CNBD1: variants seen among roughly 807,000 people sequenced by gnomAD.
The protein encoded by CNBD1 is cyclic nucleotide binding domain containing 1.
Under a neutral mutation model 54.4 loss-of-function variants are expected in CNBD1, and 71 were observed. The observed-to-expected ratio is 1.30, with a 90% CI of 1.08 to 1.59. The LOEUF is 1.59. CNBD1 is among the 40% of genes most tolerant of loss of function. The pLI is 0.00. For synonymous variants in CNBD1, 182 were observed against 170.7 expected, an observed-to-expected ratio of 1.07 and a Z score of -0.51; for missense variants, 659 against 518.0, an observed-to-expected ratio of 1.27 and a Z score of -2.64.
chr8:87,229,473 A>G (rs1057345710), intron 5 of CNBD1, among the ~76,000 whole-genome samples: 6 of 152,204 alleles, frequency 3.9e-5, no homozygotes, highest in Non-Finnish European at 1.5e-5. Context: ...GTGCTCTGTT[A>G]GTAATATTTT....
intron 4 of CNBD1, among the ~76,000 whole-genome samples, chr8:86,967,618 T>C (rs1158415131): frequency 1.3e-5 from 2 of 152,250 alleles, no homozygotes; most frequent in Non-Finnish European, 2.9e-5. Context: ...ACAGTGTTTA[T>C]TTCTAACATT....
chr8:87,303,779 C>A (rs1324111002), intron 8 of CNBD1, among the ~76,000 whole-genome samples: 4 of 125,804 alleles, frequency 3.2e-5, no homozygotes, highest in African/African-American at 1.2e-4. Flanking sequence ...TGAACTCAAA[C>A]AAATTTACAA....
intron 4 of CNBD1, among the ~76,000 whole-genome samples, chr8:86,958,035 T>C (rs1807825429): frequency 6.6e-6 from 1 of 152,234 alleles, no homozygotes; most frequent in Non-Finnish European, 1.5e-5. Flanking sequence ...TGTGTCTTTG[T>C]TCACATTAGT....
intron 4 of CNBD1, among the ~76,000 whole-genome samples, chr8:87,019,177 T>A (rs1309357694): frequency 1.3e-5 from 2 of 152,200 alleles, no homozygotes; most frequent in Non-Finnish European, 2.9e-5. Flanking sequence ...GCTCAACACA[T>A]AAAAGTTAAA....
At chr8:87,111,992 C>A (rs562241946) in intron 4 of CNBD1, among the ~76,000 whole-genome samples, 1 of 152,262 alleles carries the variant, frequency 6.6e-6, no homozygotes, top group South Asian at 2.1e-4. Flanking sequence ...AATGTTGGTA[C>A]CTCCGTCACC....
intron 4 of CNBD1, among the ~76,000 whole-genome samples, chr8:87,168,937 T>C (rs1266454621): frequency 6.6e-6 from 1 of 152,118 alleles, no homozygotes; most frequent in African/African-American, 2.4e-5. Flanking sequence ...TTCTTTTAGG[T>C]ATACACCCAG....
rs58151279 is a variant in CNBD1 at position 87,205,974 on chromosome 8, A to ATT, written c.432-5_432-4dup. The ATT allele has an allele frequency of 6.2e-3, 7,866 of 1,274,374 alleles. 82 individuals carry two copies. The highest frequency in any genetic ancestry group is 0.058 in the African/African-American group (3,666 of 62,916). 78.9% of individuals were successfully genotyped at this position (1,274,374 alleles called of 1,614,324 possible). A position where few individuals can be genotyped will look rare whatever the true frequency, so the allele number is the denominator to read the frequency against. On this transcript the variant is annotated intron_variant, in intron 4 of 10. Transcript: ENST00000518476. ...TTTATGCCATGGTCTCTGAATTTGT[A>ATT]TTTTTTTTTTTTTTTGAGGCCCATT...
At chr8:87,257,369 C>CATAAAAAAAAA (rs1808044469) in intron 6 of CNBD1, among the ~76,000 whole-genome samples, 1 of 67,558 alleles carries the variant, frequency 1.5e-5, no homozygotes, top group Non-Finnish European at 2.9e-5. Context: ...AACTCTATCG[C>CATAAAAAAAAA]AAAAAAAAAA....
At chr8:87,385,231 G>T (rs1227520707), downstream of CNBD1, among the ~76,000 whole-genome samples, 1 of 152,124 alleles carries the variant, frequency 6.6e-6, no homozygotes, top group African/African-American at 2.4e-5. Flanking sequence ...TTCCAACTGA[G>T]CTACCGGGTT....
chr8:86,956,804 A>T (rs1288678644), intron 4 of CNBD1, among the ~76,000 whole-genome samples: 1 of 152,114 alleles, frequency 6.6e-6, no homozygotes, highest in African/African-American at 2.4e-5. Flanking sequence ...CTCTTTTCCT[A>T]ATTGAATACC....
intron 8 of CNBD1, among the ~76,000 whole-genome samples, chr8:87,350,432 T>G (rs1265130386): frequency 6.6e-6 from 1 of 151,960 alleles, no homozygotes; most frequent in Non-Finnish European, 1.5e-5. Context: ...CCCACTTCAT[T>G]TATCTTGAAG....
intron 4 of CNBD1, among the ~76,000 whole-genome samples, chr8:87,085,436 T>TA (rs1345000660): frequency 2.0e-5 from 3 of 152,154 alleles, no homozygotes; most frequent in African/African-American, 7.2e-5. Flanking sequence ...GTCTTTTTTT[T>TA]ATTTGTGTCT....
At chr8:87,109,584 G>GC (rs1374116249) in intron 4 of CNBD1, among the ~76,000 whole-genome samples, 4 of 145,226 alleles carry the variant, frequency 2.8e-5, no homozygotes, top group Non-Finnish European at 4.5e-5. Flanking sequence ...TGTCGCCCAG[G>GC]CTGGAGTAAA....
downstream of CNBD1, among the ~76,000 whole-genome samples, chr8:87,385,403 C>T (rs972450580): frequency 2.6e-5 from 4 of 151,998 alleles, no homozygotes; most frequent in Admixed American, 6.5e-5. Context: ...CCTGGAAAAT[C>T]GGGTCACTGC....
At chr8:87,009,139 C>A (rs928603657) in intron 4 of CNBD1, among the ~76,000 whole-genome samples, 2 of 151,790 alleles carry the variant, frequency 1.3e-5, no homozygotes, top group South Asian at 4.1e-4. Flanking sequence ...CTTTAATTTA[C>A]TAGAGTCTAT....
At chr8:87,082,722 C>G (rs896102382) in intron 4 of CNBD1, among the ~76,000 whole-genome samples, 1 of 151,646 alleles carries the variant, frequency 6.6e-6, no homozygotes, top group African/African-American at 2.4e-5. Flanking sequence ...GTGTTTAGAC[C>G]ATATACATTT....
At chr8:86,963,218 G>A (rs1304532508) in intron 4 of CNBD1, among the ~76,000 whole-genome samples, 1 of 152,244 alleles carries the variant, frequency 6.6e-6, no homozygotes, top group South Asian at 2.1e-4. Flanking sequence ...AGGCATAGCT[G>A]ACAGGCATGC....
At chr8:87,360,859 A>G (rs961370220) in intron 10 of CNBD1, among the ~76,000 whole-genome samples, 20 of 151,936 alleles carry the variant, frequency 1.3e-4, no homozygotes, top group Non-Finnish European at 2.4e-4. Flanking sequence ...CCTAAAGACT[A>G]TCTCTCATAA....
At chr8:87,318,700 G>T (rs1809453260) in intron 8 of CNBD1, among the ~76,000 whole-genome samples, 1 of 151,912 alleles carries the variant, frequency 6.6e-6, no homozygotes, top group African/African-American at 2.4e-5. Flanking sequence ...GAGGAAGGAA[G>T]GAGATGGGGA....
Sources: gnomAD v4.1 joint callset for allele counts (sites outside exome capture counted in the v4.1 genomes callset) on GRCh38, gnomAD v4.1.1 for gene constraint, MANE v1.5 for transcripts, NCBI Gene and HGNC (gene_info 2026-07-23, HGNC 2026-07-21) for gene names.